Variants in TPM4 observed in about 807,000 individuals in gnomAD.
The protein encoded by TPM4 is tropomyosin 4, also known as tropomyosin alpha-4 chain.
TPM4 carries 17 observed loss-of-function variants against 35.8 expected under a neutral mutation model. The ratio of observed to expected loss-of-function variants is 0.47; its 90% CI spans 0.32 to 0.71. The LOEUF is 0.71. Among genes scored for constraint, TPM4 ranks in the 30% least tolerant of loss-of-function variants. The pLI, the probability that TPM4 is intolerant of heterozygous loss-of-function variation, is 0.03. For missense variants in TPM4, 240 were observed against 320.9 expected (o/e 0.75, Z 1.93); for synonymous variants, 120 against 122.9 (o/e 0.98, Z 0.15).
chr19:16,074,528 A>G (rs1465220340), upstream of TPM4: 1 of 152,232 alleles, frequency 6.6e-6, no homozygotes, highest in Non-Finnish European at 1.5e-5. Flanking sequence ...TCATCTTCCA[A>G]AGGCCCCATC....
chr19:16,093,384 C>T (rs1397663120), intron 5 of TPM4, 152 bp from the exon 6 acceptor site: 28 of 730,862 alleles, frequency 3.8e-5, no homozygotes, highest in Admixed American at 1.0e-4. Context: ...TTAGTAGAGA[C>T]GGGGTTTCAC....
At chr19:16,091,468 G>A (rs10413162) in intron 5 of TPM4, among the ~76,000 whole-genome samples, 7,106 of 152,244 alleles carry the variant, frequency 0.047, 478 homozygotes, top group African/African-American at 0.15. Context: ...GTGTCACCAA[G>A]GAGGCGACAT....
intron 7 of TPM4, among the ~76,000 whole-genome samples, chr19:16,098,449 A>C (rs556128724): frequency 3.2e-4 from 49 of 152,240 alleles, no homozygotes; most frequent in African/African-American, 1.1e-3. Context: ...TCCGCCTCAA[A>C]AAAAAAGAAA....
chr19:16,069,387 A>C (rs111174218), intron 2 of TPM4, among the ~76,000 whole-genome samples: 1 of 16,266 alleles, frequency 6.1e-5, no homozygotes, highest in East Asian at 2.1e-3. Context: ...GTGTGTTTCT[A>C]TTGGTGTGTG....
rs1400218427 is a variant in TPM4, at chr19:16,082,196, C to T, written c.266+150C>T. 4 of 1,114,396 alleles carry T rather than the reference C, an allele frequency of 3.6e-6. No homozygotes were observed. In the Admixed American group the frequency reaches 8.0e-5, roughly 22 times the overall value. The allele number at this position is 1,114,396 out of a possible 1,614,324, so 69.0% of individuals were successfully genotyped here. ...AAGTGCATGACAGCACTTTGTAAAC[C>T]ATCACTCCATGGGTAGAGATGTTTA... On this transcript the variant is annotated intron_variant, in intron 2 of 7. Coordinates refer to ENST00000643579, the MANE Select transcript of TPM4 (RefSeq NM_003290.3).
chr19:16,067,783 C>T lies in TPM4; in HGVS notation c.114+45C>T. ...GCCGCTCCGGGCTGCTGGGAGTCCT[C>T]TCTGTGCGGAAGGCCGGGGTCTGGA... On this transcript the variant is annotated intron_variant, in intron 2 of 2. Transcript: ENST00000589897. The surrounding 1 kb of genome is among the most constrained non-coding windows in gnomAD (Gnocchi z 4.1). 1 of 1,579,764 alleles carries T rather than the reference C, an allele frequency of 6.3e-7. No individual in the cohort carries two copies. Among genetic ancestry groups the T allele is most frequent in the Non-Finnish European group, 8.6e-7 (1 of 1,162,762 alleles).
chr19:16,089,016 A>C (rs1193335952), intron 4 of TPM4, 29 bp from the exon 5 acceptor site: 2 of 1,613,654 alleles, frequency 1.2e-6, no homozygotes, highest in Non-Finnish European at 1.7e-6. Context: ...AGGGAAGATA[A>C]GACACAAAAA....
chr19:16,087,522 A>G (rs948629816), intron 3 of TPM4, among the ~76,000 whole-genome samples: 1 of 152,190 alleles, frequency 6.6e-6, no homozygotes, highest in Admixed American at 6.5e-5. Context: ...GGTTGCAGTG[A>G]GTCAAGGTTG....
chr19:16,076,761 C>T (rs2144918183), intron 1 of TPM4, 64 bp downstream of exon 1: 1 of 1,284,218 alleles, frequency 7.8e-7, no homozygotes, highest in East Asian at 3.2e-5. Context: ...TCCTTTCTTC[C>T]CGGCTTCCCG....
chr19:16,069,548 A>ATTCTATTGAGGTGTGTGTGTAGG (rs1420489115), intron 2 of TPM4, among the ~76,000 whole-genome samples: 1 of 9,774 alleles, frequency 1.0e-4, no homozygotes, highest in South Asian at 3.8e-3. Context: ...TTGTGTGTGG[A>ATTCTATTGAGGTGTGTGTGTAGG]TGAGTGTGTG....
chr19:16,071,693 G>A (rs538034615), upstream of TPM4, among the ~76,000 whole-genome samples: 39 of 152,336 alleles, frequency 2.6e-4, no homozygotes, highest in African/African-American at 6.5e-4. Flanking sequence ...AGCGCCTGAC[G>A]CTGCAGGAGG....
Position 16,067,967 on chromosome 19 carries a change from G to A in TPM4, c.114+229G>A, listed in dbSNP as rs1327397536. 2 of 505,312 alleles carry A rather than the reference G, an allele frequency of 4.0e-6. No homozygotes were observed. The highest frequency in any genetic ancestry group is 8.0e-5 in the Admixed American group (2 of 25,014). 31.3% of individuals were successfully genotyped at this position (505,312 alleles called of 1,614,324 possible). On this transcript the variant is annotated intron_variant, in intron 2 of 2. Transcript: ENST00000589897. The surrounding 1 kb of genome is among the most constrained non-coding windows in gnomAD (Gnocchi z 4.1). The stretch of plus-strand genomic sequence containing the variant: ...AGCAGGGCCAGTGCGAACAAAGTGA[G>A]TTTGACAGAGAGAGAGTTGGCGGGG...
chr19:16,082,258 C>T lies in TPM4; in HGVS notation c.266+212C>T, dbSNP rs553212588. On this transcript the variant is annotated intron_variant, in intron 2 of 7. Transcript: ENST00000643579. ...GCACGGTGGCTCATGCCTGTAATCC[C>T]AGCACTTTGGGAGGCCAAGGCGGAC... is the stretch of plus-strand genomic sequence containing the variant. Among the ~76,000 whole-genome samples the T allele has an allele frequency of 1.6e-3, 251 of 152,314 alleles. 2 individuals are homozygous for T. The highest frequency in any genetic ancestry group is 5.4e-3 in the African/African-American group (225 of 41,568).
intron 3 of TPM4, among the ~76,000 whole-genome samples, chr19:16,087,056 T>C (rs557206931): frequency 9.2e-5 from 14 of 152,200 alleles, no homozygotes; most frequent in Non-Finnish European, 1.6e-4. Flanking sequence ...GGCGGGAGGA[T>C]CACCTGAGGC....
intron 7 of TPM4, among the ~76,000 whole-genome samples, chr19:16,096,946 T>A (rs1168084281): frequency 4.4e-4 from 20 of 45,410 alleles, no homozygotes; most frequent in African/African-American, 1.4e-3. Flanking sequence ...CTTTTTTTTT[T>A]TTTTTTTTTT....
At chr19:16,082,893 G>A (rs1001655542) in intron 2 of TPM4, among the ~76,000 whole-genome samples, 4 of 151,076 alleles carry the variant, frequency 2.6e-5, no homozygotes, top group African/African-American at 9.7e-5. Flanking sequence ...TCAAGAGGCT[G>A]AGGTGGGAGG....
chr19:16,074,136 G>A (rs2090382550), upstream of TPM4, among the ~76,000 whole-genome samples: 2 of 151,722 alleles, frequency 1.3e-5, no homozygotes, highest in Non-Finnish European at 2.9e-5. Context: ...TAGAAGCCAC[G>A]GGCACAGCAG....
rs1568303752 is a variant in TPM4, at chr19:16,082,014, G to A, written c.234G>A (p.Glu78=). 2.5e-6 allele frequency: 4 copies of A among 1,610,588 alleles called. No homozygotes were observed. In the South Asian group the frequency reaches 4.4e-5, roughly 18 times the overall value. The change falls in exon 2 of 8, where the codon GAG becomes GAA. Residue 78 remains glutamate (E), a synonymous_variant. Coordinates refer to ENST00000643579, the MANE Select transcript of TPM4 (RefSeq NM_003290.3). ...TGGCCACGGCCCTGCAGAAGCTGGA[G>A]GAGGCAGAAAAAGCTGCAGATGAGA... ...ERLATALQKL[E]EAEKAADESE...
chr19:16,079,747 T>C (rs550317865), intron 1 of TPM4: 1 of 181,758 alleles, frequency 5.5e-6, no homozygotes, highest in Non-Finnish European at 1.2e-5. Context: ...TTACCCAGGC[T>C]GGAGTGCAGT....
Sources: gnomAD v4.1 joint callset for allele counts (sites outside exome capture counted in the v4.1 genomes callset) on GRCh38, gnomAD v4.1.1 for gene constraint, Gnocchi (gnomAD v3.1) non-coding constraint, MANE v1.5 for transcripts, NCBI Gene and HGNC (gene_info 2026-07-23, HGNC 2026-07-21) for gene names.